Variants in FBXW7 observed in about 807,000 individuals in gnomAD.
FBXW7 encodes the protein F-box/WD repeat-containing protein 7.
FBXW7 carries 11 observed loss-of-function variants against 86.3 expected under a neutral mutation model. That is an observed-to-expected ratio of 0.13 (90% CI 0.08 to 0.21). The LOEUF (loss-of-function observed/expected upper bound fraction) is 0.21. Among genes scored for constraint, FBXW7 ranks in the 10% least tolerant of loss-of-function variants. The pLI is 1.00. For synonymous variants in FBXW7, 313 were observed against 297.9 expected (o/e 1.05, Z -0.52); for missense variants, 488 against 847.4 (o/e 0.58, Z 5.27).
chr4:152,334,000 G>A (rs1441573324), intron 7 of FBXW7, among the ~76,000 whole-genome samples: 1 of 152,108 alleles, frequency 6.6e-6, no homozygotes, highest in East Asian at 1.9e-4. Context: ...GTTGCAGTGA[G>A]CCAAGATCAC....
chr4:152,508,242 T>C (rs1747613630), intron 2 of FBXW7, among the ~76,000 whole-genome samples: 1 of 151,774 alleles, frequency 6.6e-6, no homozygotes, highest in Non-Finnish European at 1.5e-5. Flanking sequence ...CCATCTGATA[T>C]AAGAGGGGAA....
chr4:152,527,836 G>A (rs1749653629), intron 2 of FBXW7, among the ~76,000 whole-genome samples: 1 of 146,914 alleles, frequency 6.8e-6, no homozygotes, highest in African/African-American at 2.5e-5. Flanking sequence ...ACTAGATCAG[G>A]AATTTTTGTT....
At chr4:152,324,122 A>C in intron 13 of FBXW7, 62 bp downstream of exon 13, 1 of 1,323,430 alleles carries the variant, frequency 7.6e-7, no homozygotes, top group East Asian at 2.3e-5. Context: ...CTAAGGCTCC[A>C]TATTTCTCTT....
intron 4 of FBXW7, among the ~76,000 whole-genome samples, chr4:152,361,160 T>C (rs1732899099): frequency 6.6e-6 from 1 of 152,104 alleles, no homozygotes; most frequent in Non-Finnish European, 1.5e-5. Context: ...GTGTGCCTCA[T>C]GGTGATCTTT....
At chr4:152,512,299 A>C (rs1516819) in intron 2 of FBXW7, among the ~76,000 whole-genome samples, 71,781 of 152,018 alleles carry the variant, frequency 0.47, 20,068 homozygotes, top group African/African-American at 0.78. Flanking sequence ...GTAAACAACA[A>C]CAAGATGGAA....
At chr4:152,363,304 A>G (rs1015589529) in intron 4 of FBXW7, among the ~76,000 whole-genome samples, 1 of 152,196 alleles carries the variant, frequency 6.6e-6, no homozygotes, top group Non-Finnish European at 1.5e-5. Context: ...TTTTAGAAAT[A>G]TTTGTCCAGG....
At chr4:152,398,460 C>G (rs1193378482) in intron 4 of FBXW7, among the ~76,000 whole-genome samples, 1 of 151,746 alleles carries the variant, frequency 6.6e-6, no homozygotes. Flanking sequence ...TTTTGAATTA[C>G]TATCCATATT....
At chr4:152,454,932 T>A (rs577566603) in intron 2 of FBXW7, among the ~76,000 whole-genome samples, 2 of 152,200 alleles carry the variant, frequency 1.3e-5, no homozygotes, top group East Asian at 3.9e-4. Context: ...ATAAAACTAA[T>A]ATATGTGTTT....
In FBXW7 at chr4:152,322,057, A is replaced by T. The variant is rs574337589; in HGVS notation, c.*824T>A. ...GTCACAGCAGAAAAAAAATAAAAAA[A>T]AATAATTTGCTTTTTTCTTTCTTTC... On this transcript the variant is annotated 3_prime_UTR_variant, in exon 14 of 14. Transcript: ENST00000281708. 1.3e-5 allele frequency: 3 copies of T among 233,226 alleles called. No individual in the cohort carries two copies. Among genetic ancestry groups the T allele is most frequent in the Non-Finnish European group, 2.5e-5 (3 of 117,750 alleles). The allele number at this position is 233,226 out of a possible 1,614,324, so 14.4% of individuals were successfully genotyped here.
chr4:152,363,741 A>G (rs1733198357), intron 4 of FBXW7, among the ~76,000 whole-genome samples: 1 of 152,170 alleles, frequency 6.6e-6, no homozygotes, highest in Non-Finnish European at 1.5e-5. Flanking sequence ...TTTTTCTTAT[A>G]TTAATTCAAT....
intron 6 of FBXW7, among the ~76,000 whole-genome samples, chr4:152,342,811 T>C (rs966293007): frequency 6.6e-6 from 1 of 152,242 alleles, no homozygotes; most frequent in Non-Finnish European, 1.5e-5. Flanking sequence ...AATGAATCTT[T>C]TCCTACTTTT....
intron 2 of FBXW7, chr4:152,530,340 T>C (rs1749918316): frequency 6.6e-6 from 1 of 152,178 alleles, no homozygotes; most frequent in Non-Finnish European, 1.5e-5. Context: ...TGACTCATAT[T>C]ATTCAAACCA....
chr4:152,413,920 T>C (rs574222734), intron 2 of FBXW7, among the ~76,000 whole-genome samples: 12 of 152,234 alleles, frequency 7.9e-5, no homozygotes, highest in Non-Finnish European at 1.8e-4. Context: ...AAAGTCCCTA[T>C]AAATCACCAC....
rs772056210 is a variant in FBXW7 at position 152,328,250 on chromosome 4, C to A, written c.1376G>T (p.Gly459Val). 1 of 1,596,998 alleles carries A rather than the reference C, an allele frequency of 6.3e-7. No homozygotes were observed. The highest frequency in any genetic ancestry group is 2.3e-5 in the East Asian group (1 of 43,572). ...ETGECIHTLY[G>V]HTSTVRCMHL... is the part of the protein sequence containing the mutation. ...CATACAACGCACAGTGGAAGTATGC[C>A]CATATAAGGTGTGTATACATTCTCC... The change falls in exon 11 of 14, where the codon GGG becomes GTG. Residue 459 changes from glycine to valine, a missense_variant. By Grantham distance (109) the Gly-to-Val change is moderately radical. Transcript: ENST00000281708.
At chr4:152,371,035 T>C (rs558937206) in intron 4 of FBXW7, among the ~76,000 whole-genome samples, 1 of 152,036 alleles carries the variant, frequency 6.6e-6, no homozygotes, top group South Asian at 2.1e-4. Context: ...CAGCAGGTAC[T>C]TGTGAAAGGA....
chr4:152,419,955 G>C lies in FBXW7; in HGVS notation c.-119-7426C>G, dbSNP rs181349643. On this transcript the variant is annotated intron_variant, in intron 2 of 13. Coordinates refer to ENST00000281708, the MANE Select transcript of FBXW7 (RefSeq NM_001349798.2). Reference sequence around the variant, plus strand: ...TGATGGCTGCTGACTAATCAGTATGGCTGTGGCAATTTCTTAAAATAAGAC... The same window carrying C: ...TGATGGCTGCTGACTAATCAGTATGCCTGTGGCAATTTCTTAAAATAAGAC... 7.9e-5 allele frequency among the ~76,000 whole-genome samples: 12 copies of C among 152,226 alleles called. No individual in the cohort carries two copies. In the East Asian group the frequency reaches 2.3e-3, roughly 29 times the overall value.
chr4:152,533,710 T>C (rs1476138320), intron 2 of FBXW7, among the ~76,000 whole-genome samples: 1 of 152,210 alleles, frequency 6.6e-6, no homozygotes, highest in African/African-American at 2.4e-5. Flanking sequence ...CCTGAAAGTT[T>C]AGGGACACAG....
intron 4 of FBXW7, among the ~76,000 whole-genome samples, chr4:152,408,195 A>T (rs915246803): frequency 1.3e-5 from 2 of 152,152 alleles, no homozygotes; most frequent in East Asian, 1.9e-4. Context: ...GCTCAAACAC[A>T]CTTCTCTTCA....
intron 7 of FBXW7, among the ~76,000 whole-genome samples, chr4:152,334,548 C>T (rs772998009): frequency 6.6e-5 from 10 of 152,246 alleles, no homozygotes; most frequent in Middle Eastern, 3.4e-3. Context: ...TCTTTGCTTT[C>T]GTTATCTAAC....
Sources: gnomAD v4.1 joint callset for allele counts (sites outside exome capture counted in the v4.1 genomes callset) on GRCh38, gnomAD v4.1.1 for gene constraint, MANE v1.5 for transcripts, NCBI Gene and HGNC (gene_info 2026-07-23, HGNC 2026-07-21) for gene names.